CEP192: variants seen among roughly 807,000 people sequenced by gnomAD.
The protein encoded by CEP192 is centrosomal protein 192.
Under a neutral mutation model 271.8 loss-of-function variants are expected in CEP192, and 151 were observed. That is an observed-to-expected ratio of 0.56 (90% CI 0.49 to 0.64). CEP192 has a LOEUF of 0.64. CEP192 is among the 30% of genes least tolerant of loss of function. The pLI is 0.00. For missense variants in CEP192, 2,910 were observed against 3,020.5 expected, an observed-to-expected ratio of 0.96 and a Z score of 0.86; for synonymous variants, 995 against 1,076.5, an observed-to-expected ratio of 0.92 and a Z score of 1.48.
In CEP192 at chr18:13,114,211, C is replaced by T. The variant is rs149673520; in HGVS notation, c.7249C>T (p.Arg2417Ter). 51 of 1,613,782 alleles carry T rather than the reference C, an allele frequency of 3.2e-5. No individual in the cohort carries two copies. Among genetic ancestry groups the T allele is most frequent in the East Asian group, 4.5e-5 (2 of 44,884 alleles). Residue 2417 changes from arginine (R) to a stop codon, truncating the protein, a stop_gained, in exon 42 of 45, where the codon CGA becomes TGA. Coordinates refer to ENST00000506447, the MANE Select transcript of CEP192 (RefSeq NM_032142.4). LOFTEE classifies it high-confidence loss of function. ...LIKIDHLVKP[R>*]RQAVSEASAR... Reference sequence around the variant, plus strand: ...TAAAATAGATCATTTAGTTAAGCCCCGAAGACAAGCTGTGTCAGAGGCTTC... The same window carrying T: ...TAAAATAGATCATTTAGTTAAGCCCTGAAGACAAGCTGTGTCAGAGGCTTC...
intron 40 of CEP192, among the ~76,000 whole-genome samples, chr18:13,111,138 GT>G (rs1377772578): frequency 2.0e-5 from 3 of 152,078 alleles, no homozygotes; most frequent in Non-Finnish European, 4.4e-5. Context: ...TTTTGTTGTT[GT>G]TTTGAGATGG....
intron 40 of CEP192, among the ~76,000 whole-genome samples, chr18:13,109,403 A>G (rs1317679825): frequency 6.6e-6 from 1 of 152,210 alleles, no homozygotes; most frequent in East Asian, 1.9e-4. Context: ...GAAGTGGGAA[A>G]AGGGCTGAAA....
chr18:13,009,011 T>G (rs1599051342), intron 4 of CEP192, among the ~76,000 whole-genome samples: 2 of 106,364 alleles, frequency 1.9e-5, no homozygotes, highest in South Asian at 2.8e-4. Context: ...GCCTGGCCTT[T>G]TTGTTTTTTT....
Position 13,040,821 on chromosome 18 carries a change from A to G in CEP192, c.1810-9A>G. The stretch of plus-strand genomic sequence containing the variant: ...TCAAAGAAATAATTTACCTTTAATT[A>G]TTTTGTAGCCATCATTTGGCTATTT... On this transcript the variant is annotated splice_polypyrimidine_tract_variant and intron_variant, in intron 13 of 44. Transcript: ENST00000506447. 2 of 1,575,232 alleles carry G rather than the reference A, an allele frequency of 1.3e-6. No homozygotes were observed. Among genetic ancestry groups the G allele is most frequent in the Non-Finnish European group, 1.7e-6 (2 of 1,158,280 alleles).
chr18:13,022,679 C>A (rs114251446), intron 9 of CEP192, among the ~76,000 whole-genome samples: 382 of 152,300 alleles, frequency 2.5e-3, no homozygotes, highest in African/African-American at 8.9e-3. Flanking sequence ...CCATGCCCAG[C>A]CTGTGTAATC....
chr18:13,103,936 C>T (rs1324652299), intron 39 of CEP192: 2 of 454,882 alleles, frequency 4.4e-6, no homozygotes, highest in South Asian at 3.1e-5. Context: ...GCAATCTTCC[C>T]ACCTCAGCCT....
In CEP192 at chr18:13,003,080, GA is replaced by G. The variant is rs573127294; in HGVS notation, c.290+1505del. 2.0e-3 allele frequency among the ~76,000 whole-genome samples: 304 copies of G among 152,146 alleles called. 1 individual carries two copies. Among genetic ancestry groups the G allele is most frequent in the Middle Eastern group, 0.017 (5 of 294 alleles). On this transcript the variant is annotated intron_variant, in intron 3 of 44. Coordinates refer to ENST00000506447, the MANE Select transcript of CEP192 (RefSeq NM_032142.4). ...AGTATATTGAAAGGGAAAAGTGCTA[GA>G]AAAAAATAGAATATAATAAGGAGGG...
chr18:13,000,438 A>T (rs142273466), intron 2 of CEP192: 1 of 152,162 alleles, frequency 6.6e-6, no homozygotes, highest in African/African-American at 2.4e-5. Context: ...GTCTGTTCCA[A>T]ATACAGTCAC....
intron 36 of CEP192, among the ~76,000 whole-genome samples, chr18:13,096,991 A>G (rs1376406653): frequency 1.3e-5 from 2 of 152,226 alleles, no homozygotes; most frequent in African/African-American, 4.8e-5. Flanking sequence ...GGGATTAGCA[A>G]CTTTGCAGAA....
intron 18 of CEP192, among the ~76,000 whole-genome samples, chr18:13,053,612 C>T (rs947142019): frequency 2.6e-5 from 4 of 152,132 alleles, no homozygotes; most frequent in Admixed American, 6.5e-5. Flanking sequence ...GGGACCAAAC[C>T]GGGAAGGGTG....
intron 42 of CEP192, 73 bp downstream of exon 42, chr18:13,114,324 G>A (rs959107686): frequency 1.3e-5 from 19 of 1,507,040 alleles, no homozygotes; most frequent in African/African-American, 9.8e-5. Context: ...TAAAATGCTC[G>A]ATGACTTTAC....
At chr18:13,042,172 C>T in intron 14 of CEP192, 32 bp from the exon 15 acceptor site, 1 of 1,586,800 alleles carries the variant, frequency 6.3e-7, no homozygotes, top group Non-Finnish European at 8.6e-7. Context: ...ATAGTGTATA[C>T]TTATAAGTTG....
rs144053906 is a variant in CEP192, at chr18:13,102,614, A to T, written c.6872-895A>T. Among the ~76,000 whole-genome samples, 904 of 151,858 alleles carry T rather than the reference A, an allele frequency of 6.0e-3. 9 individuals carry two copies. The highest frequency in any genetic ancestry group is 0.021 in the African/African-American group (869 of 41,398). ...TCCGTTTTGTGTCTTGGTTGACTTG[A>T]TCTCCCAGCACTGTCGACTGCTCTT... On this transcript the variant is annotated intron_variant, in intron 38 of 44. Coordinates refer to ENST00000506447, the MANE Select transcript of CEP192 (RefSeq NM_032142.4).
At chr18:13,043,371 A>G (rs970347368) in intron 15 of CEP192, among the ~76,000 whole-genome samples, 2 of 152,126 alleles carry the variant, frequency 1.3e-5, no homozygotes, top group Admixed American at 6.6e-5. Flanking sequence ...TGATTAGGCC[A>G]TGCTTTCATT....
At chr18:13,039,615 G>A (rs1340720900) in intron 13 of CEP192, among the ~76,000 whole-genome samples, 1 of 152,192 alleles carries the variant, frequency 6.6e-6, no homozygotes, top group Non-Finnish European at 1.5e-5. Context: ...CTGAGGAGCA[G>A]GGTAGGCAGG....
In CEP192 at chr18:13,055,899, A is replaced by C. The variant is rs1425380763; in HGVS notation, c.3309A>C (p.Thr1103=). ...CATTTCAGAATAGAGGAAAAGGAAC[A>C]TTATCATCTATTATCCAGAATAACT... ...KVPFQNRGKG[T]LSSIIQNNSD... Residue 1103 remains threonine, a synonymous_variant, in exon 19 of 45, where the codon ACA becomes ACC. Transcript: ENST00000506447. 1 of 1,613,928 alleles carries C rather than the reference A, an allele frequency of 6.2e-7. No homozygotes were observed. Among genetic ancestry groups the C allele is most frequent in the Admixed American group, 1.7e-5 (1 of 59,984 alleles).
chr18:13,068,451 C>G, intron 24 of CEP192, 29 bp downstream of exon 24: 1 of 1,521,862 alleles, frequency 6.6e-7, no homozygotes, highest in South Asian at 1.2e-5. Flanking sequence ...GTGGGAATTG[C>G]TTTAATCTGT....
chr18:13,049,758 C>G lies in CEP192; in HGVS notation c.2891-7C>G. 1 of 1,609,314 alleles carries G rather than the reference C, an allele frequency of 6.2e-7. No individual in the cohort carries two copies. The highest frequency in any genetic ancestry group is 8.5e-7 in the Non-Finnish European group (1 of 1,178,418). On this transcript the variant is annotated splice_polypyrimidine_tract_variant and splice_region_variant and intron_variant, in intron 16 of 44. Coordinates refer to ENST00000506447, the MANE Select transcript of CEP192 (RefSeq NM_032142.4). ...TCTTCTTACTGGAAAATACCCCTTTCTGATAGATTTGAAAAATACCTCTCC... is the reference window on the plus strand; with the variant it reads ...TCTTCTTACTGGAAAATACCCCTTTGTGATAGATTTGAAAAATACCTCTCC...
At chr18:13,084,971 A>C (rs1365960288) in intron 30 of CEP192, among the ~76,000 whole-genome samples, 1 of 148,874 alleles carries the variant, frequency 6.7e-6, no homozygotes, top group Non-Finnish European at 1.5e-5. Context: ...GCATGCCACC[A>C]CACCCAGCTA....
Sources: gnomAD v4.1 joint callset for allele counts (sites outside exome capture counted in the v4.1 genomes callset) on GRCh38, gnomAD v4.1.1 for gene constraint, MANE v1.5 for transcripts, NCBI Gene and HGNC (gene_info 2026-07-23, HGNC 2026-07-21) for gene names.